Variants in GAS7 observed in about 807,000 individuals in gnomAD.
GAS7 encodes growth arrest specific 7.
A neutral mutation model predicts 71.1 loss-of-function variants in GAS7; 28 were observed. That is an observed-to-expected ratio of 0.39 (90% CI 0.29 to 0.54). GAS7 has a LOEUF of 0.54. GAS7 is among the 20% of genes least tolerant of loss of function. GAS7 has a pLI of 0.62. For missense variants in GAS7, 436 were observed against 627.8 expected (o/e 0.69, Z 3.27); for synonymous variants, 258 against 245.8 (o/e 1.05, Z -0.46).
chr17:10,170,079 C>T (rs905003439), intron 1 of GAS7, among the ~76,000 whole-genome samples: 2 of 152,172 alleles, frequency 1.3e-5, no homozygotes, highest in Non-Finnish European at 2.9e-5. Context: ...ACAGCCATGT[C>T]ACAGCCAGCA....
At chr17:10,089,746 A>G (rs1176580916) in intron 1 of GAS7, among the ~76,000 whole-genome samples, 1 of 152,210 alleles carries the variant, frequency 6.6e-6, no homozygotes. Context: ...AGTGTAAAGA[A>G]GTCATTCCTT....
chr17:10,079,408 T>C (rs1168598232), intron 1 of GAS7, among the ~76,000 whole-genome samples: 2 of 152,178 alleles, frequency 1.3e-5, no homozygotes, highest in Non-Finnish European at 2.9e-5. Flanking sequence ...ACATGCTTCA[T>C]TACAACCCTC....
At chr17:10,063,342 T>G (rs1253392977) in intron 1 of GAS7, among the ~76,000 whole-genome samples, 1 of 152,186 alleles carries the variant, frequency 6.6e-6, no homozygotes, top group African/African-American at 2.4e-5. Flanking sequence ...GACGTCCCCA[T>G]GTCCTACACC....
At position 10,198,380 on chromosome 17, in the gene GAS7, G is replaced by A. The variant is rs746150159; in HGVS notation, c.11C>T (p.Ala4Val). The change falls in exon 1 of 14, where the codon GCT becomes GTT. Residue 4 changes from alanine to valine, a missense_variant. Physicochemically the swap from Ala to Val is moderately conservative, Grantham distance 64. Transcript: ENST00000432992. The stretch of plus-strand genomic sequence containing the variant: ...GAAGGGGTACAGGGTCCGGCAGCGA[G>A]CGCCGGACATGGCCTTGGCGCCCGG... MSG[A>V]RCRTLYPFSG... is the part of the protein sequence containing the mutation. 31 of 1,585,774 alleles carry A rather than the reference G, an allele frequency of 2.0e-5. 1 individual carries two copies. The East Asian group carries it at 6.9e-4, about 35-fold the overall frequency.
chr17:10,169,785 A>G (rs11651509), intron 1 of GAS7, among the ~76,000 whole-genome samples: 35,321 of 151,968 alleles, frequency 0.23, 4,933 homozygotes, highest in African/African-American at 0.39. Context: ...CGCCATAACG[A>G]CTTCAAATTT....
intron 1 of GAS7, among the ~76,000 whole-genome samples, chr17:10,152,340 A>G (rs1342057848): frequency 6.6e-6 from 1 of 152,226 alleles, no homozygotes; most frequent in Non-Finnish European, 1.5e-5. Flanking sequence ...AATCTTATTG[A>G]GGAACGATTC....
chr17:9,991,048 A>G (rs1406717542), intron 2 of GAS7, among the ~76,000 whole-genome samples: 1 of 152,216 alleles, frequency 6.6e-6, no homozygotes, highest in East Asian at 1.9e-4. Context: ...TGAGGTACAT[A>G]CAGCTCTTAG....
At chr17:10,114,973 G>A (rs1448231235) in intron 1 of GAS7, among the ~76,000 whole-genome samples, 1 of 152,184 alleles carries the variant, frequency 6.6e-6, no homozygotes, top group Non-Finnish European at 1.5e-5. Flanking sequence ...GCAGGGCTGG[G>A]CCAGCTGCAG....
At chr17:10,015,443 G>C (rs1253558291) in intron 2 of GAS7, among the ~76,000 whole-genome samples, 1 of 152,160 alleles carries the variant, frequency 6.6e-6, no homozygotes, top group Non-Finnish European at 1.5e-5. Flanking sequence ...GAGAGCGACA[G>C]AGCAAAGATG....
At chr17:10,155,678 G>T (rs2074200217) in intron 1 of GAS7, among the ~76,000 whole-genome samples, 1 of 152,038 alleles carries the variant, frequency 6.6e-6, no homozygotes, top group Admixed American at 6.6e-5. Context: ...TCCCAAAACT[G>T]GTCCACTCAG....
At chr17:10,006,937 C>T (rs2071560056) in intron 2 of GAS7, among the ~76,000 whole-genome samples, 1 of 152,186 alleles carries the variant, frequency 6.6e-6, no homozygotes, top group South Asian at 2.1e-4. Flanking sequence ...TCAATAGCTC[C>T]ACCATGAGAT....
At chr17:10,088,844 G>A (rs1397535883) in intron 1 of GAS7, among the ~76,000 whole-genome samples, 1 of 152,060 alleles carries the variant, frequency 6.6e-6, no homozygotes, top group Non-Finnish European at 1.5e-5. Flanking sequence ...TAGCTTCTCT[G>A]AGACAAGCAG....
At chr17:10,134,785 C>A (rs527422791) in intron 1 of GAS7, among the ~76,000 whole-genome samples, 11 of 152,116 alleles carry the variant, frequency 7.2e-5, no homozygotes, top group Admixed American at 3.9e-4. Context: ...GGGCTACCCC[C>A]TGGGCAGACA....
intron 1 of GAS7, among the ~76,000 whole-genome samples, chr17:10,135,758 G>A (rs189563901): frequency 6.6e-6 from 1 of 152,236 alleles, no homozygotes; most frequent in African/African-American, 2.4e-5. Context: ...CCTCCGAACT[G>A]GGGGGAGGGG....
chr17:10,011,552 G>A lies in GAS7; in HGVS notation c.304+8225C>T, dbSNP rs3786074. 6.4e-3 allele frequency among the ~76,000 whole-genome samples: 982 copies of A among 152,290 alleles called. 32 individuals carry two copies. The highest frequency in any genetic ancestry group is 0.063 in the East Asian group (329 of 5,190). Reference sequence around the variant, plus strand: ...TGTCAAACACCAGCCAGCATCACTTGGCATTGTTCTTTGGCTTTCCTTCCC... The same window carrying A: ...TGTCAAACACCAGCCAGCATCACTTAGCATTGTTCTTTGGCTTTCCTTCCC... On this transcript the variant is annotated intron_variant, in intron 2 of 13. Transcript: ENST00000432992.
At chr17:10,112,423 T>C (rs2073821983) in intron 1 of GAS7, among the ~76,000 whole-genome samples, 1 of 151,948 alleles carries the variant, frequency 6.6e-6, no homozygotes, top group Non-Finnish European at 1.5e-5. Context: ...TAGGAAAAGA[T>C]AATAGGAGTA....
intron 1 of GAS7, among the ~76,000 whole-genome samples, chr17:10,031,137 G>C (rs892450638): frequency 6.6e-6 from 1 of 152,184 alleles, no homozygotes; most frequent in Non-Finnish European, 1.5e-5. Context: ...GGACACTCCA[G>C]ACCTATCCAG....
intron 1 of GAS7, among the ~76,000 whole-genome samples, chr17:10,038,890 C>A (rs1054342490): frequency 6.6e-6 from 1 of 151,974 alleles, no homozygotes; most frequent in African/African-American, 2.4e-5. Context: ...TTGACATATG[C>A]AACCATGTGG....
intron 1 of GAS7, among the ~76,000 whole-genome samples, chr17:10,166,581 A>G (rs1402824541): frequency 6.6e-6 from 1 of 152,182 alleles, no homozygotes; most frequent in African/African-American, 2.4e-5. Context: ...TAACCTCTCA[A>G]TGAATCTTCC....
Sources: allele counts gnomAD v4.1 joint callset (sites outside exome capture counted in the v4.1 genomes callset), GRCh38; gene constraint gnomAD v4.1.1; transcripts MANE v1.5; gene names NCBI Gene and HGNC (gene_info 2026-07-23, HGNC 2026-07-21).